Variants in SLC4A7 observed in about 807,000 individuals in gnomAD.
The protein encoded by SLC4A7 is solute carrier family 4 member 7.
Under a neutral mutation model 137.6 loss-of-function variants are expected in SLC4A7, and 51 were observed. The ratio of observed to expected loss-of-function variants is 0.37; its 90% CI spans 0.30 to 0.47. SLC4A7 has a LOEUF of 0.47. Ranked by LOEUF, SLC4A7 falls within the 20% of genes least tolerant of loss-of-function variation. SLC4A7 has a pLI of 1.00. For missense variants in SLC4A7, 1,247 were observed against 1,525.4 expected (o/e 0.82, Z 3.04); for synonymous variants, 542 against 518.6 (o/e 1.05, Z -0.61).
Position 27,484,095 on chromosome 3 carries a change from C to G in SLC4A7, c.32G>C (p.Arg11Thr). The G allele has an allele frequency of 7.1e-7, 1 of 1,408,706 alleles. No individual in the cohort carries two copies. The highest frequency in any genetic ancestry group is 9.3e-7 in the Non-Finnish European group (1 of 1,077,080). 87.3% of individuals were successfully genotyped at this position (1,408,706 alleles called of 1,614,324 possible). ...GCTCGTTACCCGGGTGAGTAGCGGT[C>G]TCATCTGCTCGCCGGCCCCATCAGC... MEADGAGEQM[R>T]PLLTRVTSRG... Residue 11 changes from arginine to threonine, a missense_variant, in exon 1 of 26, where the codon AGA (arginine) becomes ACA (threonine). By Grantham distance (71) the Arg-to-Thr change is moderately conservative. Coordinates refer to ENST00000454389, the MANE Select transcript of SLC4A7 (RefSeq NM_001321103.2).
At chr3:27,432,965 T>C (rs1007995016) in intron 6 of SLC4A7, among the ~76,000 whole-genome samples, 1 of 152,202 alleles carries the variant, frequency 6.6e-6, no homozygotes, top group Non-Finnish European at 1.5e-5. Context: ...ACTCTTAAGA[T>C]TGCTTAAATA....
At chr3:27,447,640 CTTTTTTTTTTT>C (rs71087609) in intron 3 of SLC4A7, among the ~76,000 whole-genome samples, 25,540 of 100,486 alleles carry the variant, frequency 0.25, 2,773 homozygotes, top group Middle Eastern at 0.33. Context: ...TTTTACAGCC[CTTTTTTTTTTT>C]TTTTTTTTTT....
intron 1 of SLC4A7, among the ~76,000 whole-genome samples, chr3:27,476,370 T>C (rs1247945225): frequency 1.3e-5 from 2 of 152,222 alleles, no homozygotes; most frequent in Admixed American, 6.5e-5. Flanking sequence ...AATATTCTCT[T>C]CTACTGGCAG....
At chr3:27,384,500 A>T (rs1309628211) in intron 23 of SLC4A7, among the ~76,000 whole-genome samples, 1 of 152,156 alleles carries the variant, frequency 6.6e-6, no homozygotes, top group South Asian at 2.1e-4. Context: ...TGCTTTCAAG[A>T]ATTCTTTTAC....
chr3:27,397,789 C>T lies in SLC4A7; in HGVS notation c.2598G>A (p.Ser866=), dbSNP rs1559658803. The change falls in exon 18 of 26, where the codon TCG becomes TCA. Residue 866 remains serine (S), a synonymous_variant. Transcript: ENST00000454389. ...TKRYFPTKVR[S]TISDFAVFLT... is the part of the protein sequence containing the mutation. ...GAAATACAGCAAAATCACTGATTGT[C>T]GATCGCACCTATGTTAAAGGGATTA... is the stretch of plus-strand genomic sequence containing the variant. The T allele has an allele frequency of 3.8e-6, 6 of 1,579,956 alleles. No homozygotes were observed. Among genetic ancestry groups the T allele is most frequent in the Admixed American group, 1.7e-5 (1 of 59,166 alleles).
chr3:27,472,901 G>A (rs1237018424), intron 1 of SLC4A7, among the ~76,000 whole-genome samples: 1 of 152,064 alleles, frequency 6.6e-6, no homozygotes, highest in Non-Finnish European at 1.5e-5. Context: ...CCAACACGGT[G>A]AAACCTCAGC....
At chr3:27,463,758 C>G (rs1449275043) in intron 1 of SLC4A7, among the ~76,000 whole-genome samples, 1 of 152,094 alleles carries the variant, frequency 6.6e-6, no homozygotes, top group Non-Finnish European at 1.5e-5. Flanking sequence ...CCTCCTGTTC[C>G]GGGATAGTAA....
chr3:27,445,348 C>T (rs1001903421), intron 3 of SLC4A7, among the ~76,000 whole-genome samples: 1 of 152,126 alleles, frequency 6.6e-6, no homozygotes, highest in African/African-American at 2.4e-5. Context: ...TGCTCCTCAA[C>T]TCTAGGCTCT....
rs1168130897 is a variant in SLC4A7, at chr3:27,372,760, A to G, written c.*4004T>C. 1 of 152,660 alleles carries G rather than the reference A, an allele frequency of 6.6e-6. No homozygotes were observed. The highest frequency in any genetic ancestry group is 2.4e-5 in the African/African-American group (1 of 41,454). 9.5% of individuals were successfully genotyped at this position (152,660 alleles called of 1,614,324 possible). On this transcript the variant is annotated 3_prime_UTR_variant, in exon 26 of 26. Transcript: ENST00000454389. ...CTTTTATTGCTCAATCAACTTCAGTAACATCTCCAAAAAAATAGTTTTCAT... is the reference window on the plus strand; with the variant it reads ...CTTTTATTGCTCAATCAACTTCAGTGACATCTCCAAAAAAATAGTTTTCAT...
chr3:27,384,703 C>T (rs2050760583), intron 23 of SLC4A7, among the ~76,000 whole-genome samples: 1 of 152,124 alleles, frequency 6.6e-6, no homozygotes, highest in Non-Finnish European at 1.5e-5. Context: ...TGGCTCACGT[C>T]TATAATCCCA....
intron 22 of SLC4A7, among the ~76,000 whole-genome samples, chr3:27,388,316 C>T (rs144325085): frequency 6.6e-5 from 10 of 152,242 alleles, no homozygotes; most frequent in African/African-American, 2.4e-4. Context: ...CAGCATAAAT[C>T]TTTTGTGCAA....
intron 1 of SLC4A7, among the ~76,000 whole-genome samples, chr3:27,459,601 A>G (rs1414911341): frequency 6.6e-6 from 1 of 152,176 alleles, no homozygotes; most frequent in African/African-American, 2.4e-5. Flanking sequence ...AAATATATAT[A>G]TTCTTACAAA....
intron 1 of SLC4A7, among the ~76,000 whole-genome samples, chr3:27,457,414 G>A (rs1056814909): frequency 6.6e-6 from 1 of 152,088 alleles, no homozygotes; most frequent in South Asian, 2.1e-4. Flanking sequence ...TACTTCTGCA[G>A]TCAATCTGAT....
At chr3:27,468,640 T>C (rs1240377916) in intron 1 of SLC4A7, among the ~76,000 whole-genome samples, 2 of 152,168 alleles carry the variant, frequency 1.3e-5, no homozygotes, top group African/African-American at 2.4e-5. Context: ...ATTGAAATCC[T>C]GGCTCTTCAC....
chr3:27,377,317 A>G (rs1393402120), intron 25 of SLC4A7, among the ~76,000 whole-genome samples: 2 of 152,170 alleles, frequency 1.3e-5, no homozygotes, highest in African/African-American at 4.8e-5. Flanking sequence ...CATCTATTCT[A>G]TATATTCTAT....
At chr3:27,398,436 A>G in intron 16 of SLC4A7, 83 bp from the exon 17 acceptor site, 1 of 1,205,788 alleles carries the variant, frequency 8.3e-7, no homozygotes, top group Non-Finnish European at 1.2e-6. Flanking sequence ...GACTCGTAAG[A>G]TGCAACTGAT....
intron 3 of SLC4A7, among the ~76,000 whole-genome samples, chr3:27,445,198 C>T (rs2057495092): frequency 6.6e-6 from 1 of 152,256 alleles, no homozygotes; most frequent in Non-Finnish European, 1.5e-5. Flanking sequence ...GTAGTTTCCT[C>T]TCACACATGG....
In SLC4A7 at chr3:27,403,173, T is replaced by G; in HGVS notation, c.2287A>C (p.Met763Leu). 1 of 1,613,278 alleles carries G rather than the reference T, an allele frequency of 6.2e-7. No individual in the cohort carries two copies. Among genetic ancestry groups the G allele is most frequent in the Middle Eastern group, 1.7e-4 (1 of 5,904 alleles). ...FDLGETYAFN[M>L]HNNLDKLTSY... is the part of the protein sequence containing the mutation. ...GTCAGTTTATCTAAGTTGTTGTGCA[T>G]ATTAAATGCATATGTTTCTCCTAAA... The change falls in exon 15 of 26, where the codon ATG becomes CTG. Residue 763 changes from methionine to leucine, a missense_variant. Met to Leu is a conservative substitution (Grantham distance 15). Around this residue, in one of 6 missense-constraint regions of SLC4A7, gnomAD observed 499 missense variants for 664.2 expected, o/e 0.75. Transcript: ENST00000454389.
At chr3:27,448,016 A>T (rs1303102256) in intron 3 of SLC4A7, among the ~76,000 whole-genome samples, 1 of 151,996 alleles carries the variant, frequency 6.6e-6, no homozygotes, top group African/African-American at 2.4e-5. Context: ...GTTCAAGACC[A>T]GCCTGGCCAA....
Sources: allele counts gnomAD v4.1 joint callset (sites outside exome capture counted in the v4.1 genomes callset), GRCh38; gene constraint gnomAD v4.1.1; regional missense constraint gnomAD v4.1.1; transcripts MANE v1.5; gene names NCBI Gene and HGNC (gene_info 2026-07-23, HGNC 2026-07-21).